ZNRF2: variants seen among roughly 807,000 people sequenced by gnomAD.
ZNRF2 encodes the protein zinc and ring finger 2, also known as E3 ubiquitin-protein ligase ZNRF2.
ZNRF2 carries 16 observed loss-of-function variants against 20.4 expected under a neutral mutation model. The ratio of observed to expected loss-of-function variants is 0.79; its 90% CI spans 0.53 to 1.19. The LOEUF is 1.19. Ranked by LOEUF, ZNRF2 falls within the 50% of genes most tolerant of loss-of-function variation. ZNRF2 has a pLI of 0.00. For synonymous variants in ZNRF2, 178 were observed against 144.9 expected, an observed-to-expected ratio of 1.23 and a Z score of -1.64; for missense variants, 363 against 332.4, an observed-to-expected ratio of 1.09 and a Z score of -0.72.
chr7:30,316,613 A>G (rs545542240), intron 1 of ZNRF2, among the ~76,000 whole-genome samples: 1 of 152,252 alleles, frequency 6.6e-6, no homozygotes, highest in South Asian at 2.1e-4. Context: ...CTGTCCTGCT[A>G]TTTTAATTTT....
chr7:30,343,657 T>A (rs116413947), intron 2 of ZNRF2, among the ~76,000 whole-genome samples: 52 of 151,964 alleles, frequency 3.4e-4, no homozygotes, highest in African/African-American at 1.2e-3. Flanking sequence ...TAATTCATTC[T>A]TTCTTTTAGT....
chr7:30,294,721 G>A (rs1404469163), intron 1 of ZNRF2, among the ~76,000 whole-genome samples: 6 of 150,734 alleles, frequency 4.0e-5, no homozygotes, highest in South Asian at 4.2e-4. Context: ...GGAGGTGAAG[G>A]TTGCAGTGAG....
intron 1 of ZNRF2, among the ~76,000 whole-genome samples, chr7:30,295,324 GTTA>G (rs1799001571): frequency 6.6e-6 from 1 of 152,164 alleles, no homozygotes. Flanking sequence ...GCTGTATTCT[GTTA>G]TTATGGGGAA....
chr7:30,361,753 T>C (rs76869153), intron 3 of ZNRF2, among the ~76,000 whole-genome samples: 4,871 of 152,254 alleles, frequency 0.032, 293 homozygotes, highest in African/African-American at 0.11. Context: ...AAATAACCAG[T>C]GTGTGGCTCT....
Position 30,285,353 on chromosome 7 carries a change from C to A in ZNRF2, c.-5C>A. 8.6e-7 allele frequency: 1 copy of A among 1,163,602 alleles called. No individual in the cohort carries two copies. The highest frequency in any genetic ancestry group is 1.1e-6 in the Non-Finnish European group (1 of 938,254). The allele number at this position is 1,163,602 out of a possible 1,614,324, so 72.1% of individuals were successfully genotyped here. On this transcript the variant is annotated 5_prime_UTR_variant, in exon 1 of 5. Coordinates refer to ENST00000323037, the MANE Select transcript of ZNRF2 (RefSeq NM_147128.4). ...CGCGCGGGCCCGGCCCGGGGCAGGGCGGACATGGGCGCCAAACAGAGCGGC... is the reference window on the plus strand; with the variant it reads ...CGCGCGGGCCCGGCCCGGGGCAGGGAGGACATGGGCGCCAAACAGAGCGGC...
At chr7:30,324,897 T>G (rs964268151) in intron 2 of ZNRF2, among the ~76,000 whole-genome samples, 1 of 152,190 alleles carries the variant, frequency 6.6e-6, no homozygotes, top group East Asian at 1.9e-4. Context: ...AATAGATGCC[T>G]AATGGGAGAA....
At chr7:30,309,911 C>CTTTG (rs1460157128) in intron 1 of ZNRF2, among the ~76,000 whole-genome samples, 3 of 152,066 alleles carry the variant, frequency 2.0e-5, no homozygotes, top group African/African-American at 7.2e-5. Context: ...AGATACATGG[C>CTTTG]TTTGTATATG....
intron 1 of ZNRF2, among the ~76,000 whole-genome samples, chr7:30,302,613 T>C (rs548796346): frequency 3.3e-5 from 5 of 152,224 alleles, no homozygotes; most frequent in East Asian, 1.9e-4. Flanking sequence ...GTAATATCCA[T>C]ACACTAAAAA....
rs145504496 is a variant in ZNRF2, at chr7:30,331,166, A to G, written c.565+7429A>G. ...CAAATCCAAAACTGTTCATAAACCC[A>G]TACAGGATTCCTGTACTAACATACA... On this transcript the variant is annotated intron_variant, in intron 2 of 4. Coordinates refer to ENST00000323037, the MANE Select transcript of ZNRF2 (RefSeq NM_147128.4). Among the ~76,000 whole-genome samples the G allele has an allele frequency of 4.8e-3, 737 of 152,322 alleles. 1 individual carries two copies. Among genetic ancestry groups the G allele is most frequent in the Non-Finnish European group, 7.7e-3 (524 of 68,022 alleles).
chr7:30,301,950 G>T (rs147273641), intron 1 of ZNRF2, among the ~76,000 whole-genome samples: 1 of 152,178 alleles, frequency 6.6e-6, no homozygotes, highest in Non-Finnish European at 1.5e-5. Flanking sequence ...TGCCACAGGG[G>T]TGGTGAACCA....
rs139480960 is a variant in ZNRF2 at position 30,312,347 on chromosome 7, T to C, written c.470-11295T>C. 2.2e-3 allele frequency among the ~76,000 whole-genome samples: 341 copies of C among 152,272 alleles called. 2 individuals carry two copies. The highest frequency in any genetic ancestry group is 8.1e-3 in the African/African-American group (335 of 41,550). On this transcript the variant is annotated intron_variant, in intron 1 of 4. Coordinates refer to ENST00000323037, the MANE Select transcript of ZNRF2 (RefSeq NM_147128.4). ...GGTTACATCCTGATAGTTGACAGCA[T>C]AGTAAAGTGCTCCTGTTGTGTTTGT...
rs1171320743 is a variant in ZNRF2 at position 30,355,599 on chromosome 7, T to C, written c.566-129T>C. Reference sequence around the variant, plus strand: ...TTTCAAATACACGTGCTGAGTTTTATGTATTTCTGGCGAAAAGATATGCCA... The same window carrying C: ...TTTCAAATACACGTGCTGAGTTTTACGTATTTCTGGCGAAAAGATATGCCA... On this transcript the variant is annotated intron_variant, in intron 2 of 4. Coordinates refer to ENST00000323037, the MANE Select transcript of ZNRF2 (RefSeq NM_147128.4). 8.0e-6 allele frequency: 5 copies of C among 627,846 alleles called. 1 individual carries two copies. The highest frequency in any genetic ancestry group is 1.8e-5 in the African/African-American group (1 of 54,358). The allele number at this position is 627,846 out of a possible 1,614,324, so 38.9% of individuals were successfully genotyped here.
intron 2 of ZNRF2, 106 bp downstream of exon 2, chr7:30,323,843 C>T (rs1799511889): frequency 1.7e-5 from 12 of 718,496 alleles, no homozygotes; most frequent in Non-Finnish European, 2.1e-5. Context: ...ATTGTTTTCT[C>T]TATTTTTACT....
intron 1 of ZNRF2, among the ~76,000 whole-genome samples, chr7:30,315,862 A>T (rs1170072537): frequency 6.6e-6 from 1 of 151,978 alleles, no homozygotes; most frequent in African/African-American, 2.4e-5. Flanking sequence ...ATTCATTCAA[A>T]TATTTGAGTG....
chr7:30,301,635 C>T (rs1799115846), intron 1 of ZNRF2, among the ~76,000 whole-genome samples: 1 of 150,176 alleles, frequency 6.7e-6, no homozygotes, highest in Non-Finnish European at 1.5e-5. Context: ...AGCTTTAGAA[C>T]CTTCATCTTT....
intron 1 of ZNRF2, among the ~76,000 whole-genome samples, chr7:30,319,188 G>C (rs998350654): frequency 6.6e-6 from 1 of 151,998 alleles, no homozygotes; most frequent in African/African-American, 2.4e-5. Flanking sequence ...TGCCCGGGCT[G>C]TAGTGCAGTG....
At chr7:30,316,405 T>G (rs1799378136) in intron 1 of ZNRF2, among the ~76,000 whole-genome samples, 1 of 151,224 alleles carries the variant, frequency 6.6e-6, no homozygotes, top group South Asian at 2.1e-4. Context: ...ACTAAGCTAT[T>G]CAAGAATGTC....
chr7:30,318,637 A>T (rs1243195050), intron 1 of ZNRF2, among the ~76,000 whole-genome samples: 1 of 152,226 alleles, frequency 6.6e-6, no homozygotes, highest in Non-Finnish European at 1.5e-5. Context: ...GGAGGAAACA[A>T]TGTACAAATA....
intron 2 of ZNRF2, among the ~76,000 whole-genome samples, chr7:30,348,065 A>T (rs575695994): frequency 1.3e-3 from 198 of 152,224 alleles, no homozygotes; most frequent in African/African-American, 4.4e-3. Context: ...ATACTAATAA[A>T]CATGCAAGCA....
Sources: allele counts gnomAD v4.1 joint callset (sites outside exome capture counted in the v4.1 genomes callset), GRCh38; gene constraint gnomAD v4.1.1; transcripts MANE v1.5; gene names NCBI Gene and HGNC (gene_info 2026-07-23, HGNC 2026-07-21).